DST: variants seen among roughly 807,000 people sequenced by gnomAD.
DST encodes bullous pemphigoid antigen.
DST carries 253 observed loss-of-function variants against 875.2 expected under a neutral mutation model. The observed-to-expected ratio is 0.29, with a 90% CI of 0.26 to 0.32. The LOEUF is 0.32. Among genes scored for constraint, DST ranks in the 10% least tolerant of loss-of-function variants. The probability of loss-of-function intolerance (pLI) is 1.00; values close to 1 mark genes in which losing one functional copy is unlikely to be tolerated. For synonymous variants in DST, 3,124 were observed against 3,197.1 expected, an observed-to-expected ratio of 0.98 and a Z score of 0.77; for missense variants, 8,287 against 9,111.6, an observed-to-expected ratio of 0.91 and a Z score of 3.68.
intron 4 of DST, among the ~76,000 whole-genome samples, chr6:56,830,142 T>C (rs1283849450): frequency 6.6e-6 from 1 of 152,130 alleles, no homozygotes; most frequent in Non-Finnish European, 1.5e-5. Flanking sequence ...CATGGAAAAA[T>C]ACCAATGTAA....
At chr6:56,652,045 T>C (rs2098978906) in intron 10 of DST, among the ~76,000 whole-genome samples, 2 of 152,156 alleles carry the variant, frequency 1.3e-5, no homozygotes, top group African/African-American at 4.8e-5. Context: ...GAATCATAAA[T>C]GAATGTCTAT....
chr6:56,845,255 C>A (rs966813107), intron 4 of DST, among the ~76,000 whole-genome samples: 3 of 152,176 alleles, frequency 2.0e-5, no homozygotes, highest in African/African-American at 4.8e-5. Flanking sequence ...ATATACTGAC[C>A]TTTTGCCCTC....
chr6:56,622,687 A>G (rs2098701858), intron 36 of DST, among the ~76,000 whole-genome samples: 1 of 152,132 alleles, frequency 6.6e-6, no homozygotes, highest in South Asian at 2.1e-4. Context: ...TGTGGATCTC[A>G]AACTTATTTG....
chr6:56,513,536 G>T (rs1305637865), intron 72 of DST, among the ~76,000 whole-genome samples: 3 of 151,500 alleles, frequency 2.0e-5, no homozygotes, highest in Non-Finnish European at 4.4e-5. Flanking sequence ...GACTAATTTT[G>T]TATTTTTAGT....
At chr6:56,732,358 A>T (rs2099503421) in intron 5 of DST, among the ~76,000 whole-genome samples, 1 of 152,212 alleles carries the variant, frequency 6.6e-6, no homozygotes, top group African/African-American at 2.4e-5. Flanking sequence ...ATTTTGGTAC[A>T]TCATGGGTTG....
Position 56,557,484 on chromosome 6 carries a change from A to T in DST, c.14475T>A (p.Ile4825=). 5 of 1,613,370 alleles carry T rather than the reference A, an allele frequency of 3.1e-6. No homozygotes were observed. Among genetic ancestry groups the T allele is most frequent in the Non-Finnish European group, 3.4e-6 (4 of 1,179,508 alleles). Residue 4825 remains isoleucine, a synonymous_variant, in exon 59 of 104, where the codon ATT becomes ATA. Coordinates refer to ENST00000680361, the MANE Select transcript of DST (RefSeq NM_001374736.1). ...SKWQELNQLT[I]DRQQKLEESS... is the part of the protein sequence containing the mutation. ...ATTCTTCCAGTTTTTGTTGTCTATC[A>T]ATTGTTAATTGATTGAGTTCTTGCC... is the stretch of plus-strand genomic sequence containing the variant.
rs1236013727 is a variant in DST at position 56,604,371 on chromosome 6, G to A, written c.10257C>T (p.Pro3419=). The change falls in exon 40 of 104, where the codon CCC becomes CCT. Residue 3419 remains proline (P), a synonymous_variant. Transcript: ENST00000680361. ...GCTTTAGTTCTGATGAGTTAGTCAT[G>A]GGGGAAACTCCAGAAGAGTCACTCA... ...SQMSDSSGVS[P]MTNSSELKPE... 1.2e-6 allele frequency: 2 copies of A among 1,611,968 alleles called. No homozygotes were observed. Among genetic ancestry groups the A allele is most frequent in the Admixed American group, 1.7e-5 (1 of 59,720 alleles).
rs142666708 is a variant in DST at position 56,795,402 on chromosome 6, G to A, written c.625+55995C>T. On this transcript the variant is annotated intron_variant, in intron 4 of 103. Coordinates refer to ENST00000680361, the MANE Select transcript of DST (RefSeq NM_001374736.1). The stretch of plus-strand genomic sequence containing the variant: ...TTTTAAAATAATAGATCAGAAGAAC[G>A]GGAGAAAATAAAATTTTTAATTACC... Among the ~76,000 whole-genome samples the A allele has an allele frequency of 3.5e-3, 533 of 152,036 alleles. 5 individuals carry two copies. The highest frequency in any genetic ancestry group is 0.012 in the African/African-American group (515 of 41,480).
At chr6:56,894,993 A>C (rs1430532146) in intron 3 of DST, among the ~76,000 whole-genome samples, 1 of 74,132 alleles carries the variant, frequency 1.3e-5, no homozygotes, top group Non-Finnish European at 2.5e-5. Flanking sequence ...TGACCCCCCT[A>C]CCTCCCTCCC....
At chr6:56,544,125 T>G (rs914927032) in intron 61 of DST, among the ~76,000 whole-genome samples, 5 of 152,174 alleles carry the variant, frequency 3.3e-5, no homozygotes, top group African/African-American at 1.2e-4. Context: ...AATAAGGCAC[T>G]GATAAGAGAA....
chr6:56,685,545 G>A (rs2099179377), intron 9 of DST, among the ~76,000 whole-genome samples: 1 of 152,180 alleles, frequency 6.6e-6, no homozygotes, highest in Non-Finnish European at 1.5e-5. Flanking sequence ...GGCAAGGCAG[G>A]TGGATCACCT....
intron 4 of DST, among the ~76,000 whole-genome samples, chr6:56,742,942 T>C (rs1020652690): frequency 3.3e-5 from 5 of 152,192 alleles, no homozygotes; most frequent in Admixed American, 2.0e-4. Flanking sequence ...CTGTCCTCAG[T>C]TTAAAGCTGT....
chr6:56,520,814 C>T (rs943735906), intron 69 of DST, among the ~76,000 whole-genome samples: 16 of 151,948 alleles, frequency 1.1e-4, no homozygotes, highest in South Asian at 2.1e-4. Flanking sequence ...TTTCTCTCTT[C>T]GATATAATAC....
At chr6:56,676,860 G>A (rs1429338317) in intron 9 of DST, among the ~76,000 whole-genome samples, 7 of 152,128 alleles carry the variant, frequency 4.6e-5, no homozygotes, top group Admixed American at 4.6e-4. Context: ...GAGTAGAACG[G>A]TGGTTACCAG....
At chr6:56,576,470 C>T (rs1394524514) in intron 50 of DST, among the ~76,000 whole-genome samples, 1 of 152,062 alleles carries the variant, frequency 6.6e-6, no homozygotes, top group African/African-American at 2.4e-5. Context: ...GACCCCTTAA[C>T]CTGTGGGGTC....
At chr6:56,777,300 G>A (rs1053288547) in intron 4 of DST, among the ~76,000 whole-genome samples, 1 of 152,182 alleles carries the variant, frequency 6.6e-6, no homozygotes, top group East Asian at 1.9e-4. Context: ...TAGATAGAAG[G>A]ATAAGAGAAA....
chr6:56,607,193 C>A lies in DST; in HGVS notation c.7435G>T (p.Gly2479Cys), dbSNP rs1236726497. 6.2e-7 allele frequency: 1 copy of A among 1,613,414 alleles called. No homozygotes were observed. Among genetic ancestry groups the A allele is most frequent in the East Asian group, 2.2e-5 (1 of 44,860 alleles). ...LSFSDKTMLS[G>C]QRIGEKFQDQ... is the part of the protein sequence containing the mutation. ...TGAAATTTTTCTCCTATTCTTTGAC[C>A]TGACAACATGGTTTTGTCACTGAAT... Residue 2479 changes from glycine (G) to cysteine (C), a missense_variant, in exon 40 of 104, where the codon GGT becomes TGT. Gly to Cys is a radical substitution (Grantham distance 159). Coordinates refer to ENST00000680361, the MANE Select transcript of DST (RefSeq NM_001374736.1).
chr6:56,877,698 C>G (rs529569281), intron 3 of DST, among the ~76,000 whole-genome samples: 8 of 152,276 alleles, frequency 5.3e-5, no homozygotes, highest in African/African-American at 1.7e-4. Flanking sequence ...TTAGTTTCAA[C>G]TGATATCCCA....
intron 60 of DST, among the ~76,000 whole-genome samples, chr6:56,554,317 C>T (rs574873898): frequency 3.9e-5 from 6 of 152,070 alleles, no homozygotes. Flanking sequence ...ATCTCCTGAC[C>T]TCGTGATCCG....
Sources: gnomAD v4.1 joint callset for allele counts (sites outside exome capture counted in the v4.1 genomes callset) on GRCh38, gnomAD v4.1.1 for gene constraint, MANE v1.5 for transcripts, NCBI Gene and HGNC (gene_info 2026-07-23, HGNC 2026-07-21) for gene names.